Variants in KLHL4 observed in about 807,000 individuals in gnomAD.
KLHL4 encodes kelch like family member 4.
A neutral mutation model predicts 45.8 loss-of-function variants in KLHL4; 17 were observed. The ratio of observed to expected loss-of-function variants is 0.37; its 90% CI spans 0.25 to 0.56. KLHL4 has a LOEUF of 0.56. KLHL4 is among the 20% of genes least tolerant of loss of function. The probability of loss-of-function intolerance (pLI) is 0.79; values close to 1 mark genes in which losing one functional copy is unlikely to be tolerated. For missense variants in KLHL4, 544 were observed against 544.9 expected (o/e 1.00, Z 0.02); for synonymous variants, 224 against 189.9 (o/e 1.18, Z -1.47).
intron 1 of KLHL4, among the ~76,000 whole-genome samples, chrX:87,551,035 C>A (rs774281727): frequency 9.0e-6 from 1 of 111,062 alleles, no homozygotes; most frequent in South Asian, 3.8e-4. Context: ...AAATAAAATG[C>A]ATCCAAATCA....
chrX:87,612,625 A>G (rs1483323497), intron 1 of KLHL4, among the ~76,000 whole-genome samples: 1 of 111,988 alleles, frequency 8.9e-6, no homozygotes, highest in East Asian at 2.8e-4. Flanking sequence ...CGTGATTTAC[A>G]ACAGCATATT....
chrX:87,614,194 T>G (rs953943499), intron 2 of KLHL4, 150 bp downstream of exon 2: 12 of 552,007 alleles, frequency 2.2e-5, no homozygotes, highest in Non-Finnish European at 3.1e-5. Flanking sequence ...TTTCTCTGTG[T>G]ATTATTTAGA....
In KLHL4 at chrX:87,517,873, T is replaced by G; in HGVS notation, c.-21T>G. ...CGTTTCCTTTCTGTGAGAGAAGGCTTTTGTCTTTCCTCCTGCTACGATGTC... is the reference window on the plus strand; with the variant it reads ...CGTTTCCTTTCTGTGAGAGAAGGCTGTTGTCTTTCCTCCTGCTACGATGTC... On this transcript the variant is annotated 5_prime_UTR_variant, in exon 1 of 11. Coordinates refer to ENST00000373119, the MANE Select transcript of KLHL4 (RefSeq NM_019117.5). The G allele has an allele frequency of 8.5e-7, 1 of 1,180,342 alleles. No homozygotes were observed. The highest frequency in any genetic ancestry group is 1.9e-5 in the South Asian group (1 of 52,627).
At chrX:87,533,606 A>G (rs1180055599) in intron 1 of KLHL4, among the ~76,000 whole-genome samples, 3 of 107,606 alleles carry the variant, frequency 2.8e-5, no homozygotes, top group Admixed American at 1.0e-4. Flanking sequence ...CTAATGCTAA[A>G]TGACCAGTTA....
chrX:87,573,761 TG>T (rs1189171995), intron 1 of KLHL4, among the ~76,000 whole-genome samples: 6 of 111,859 alleles, frequency 5.4e-5, no homozygotes, highest in African/African-American at 1.9e-4. Context: ...CCTGATGATT[TG>T]AATACATACT....
At chrX:87,548,203 G>A (rs769761982) in intron 1 of KLHL4, among the ~76,000 whole-genome samples, 192 of 111,737 alleles carry the variant, frequency 1.7e-3, no homozygotes, top group African/African-American at 6.0e-3. Context: ...AGAGTGGCAT[G>A]GCATATTTAA....
Position 87,548,797 on chromosome X carries a change from T to C in KLHL4, c.422+30482T>C, listed in dbSNP as rs777713247. 1.2e-4 allele frequency among the ~76,000 whole-genome samples: 12 copies of C among 96,956 alleles called. No individual in the cohort carries two copies. In the East Asian group the frequency reaches 4.0e-3, roughly 32 times the overall value. The allele number at this position is 96,956 out of a possible 115,157, so 84.2% of individuals were successfully genotyped here. A position where few individuals can be genotyped will look rare whatever the true frequency, so the allele number is the denominator to read the frequency against. Reference sequence around the variant, plus strand: ...TCATAAAAAAACCAAGAATCTAAATTATATCACCAGAGAAAATAATCTTCA... The same window carrying C: ...TCATAAAAAAACCAAGAATCTAAATCATATCACCAGAGAAAATAATCTTCA... On this transcript the variant is annotated intron_variant, in intron 1 of 10. Coordinates refer to ENST00000373119, the MANE Select transcript of KLHL4 (RefSeq NM_019117.5).
intron 1 of KLHL4, among the ~76,000 whole-genome samples, chrX:87,533,731 CT>C (rs372334730): frequency 5.4e-5 from 6 of 110,931 alleles, no homozygotes; most frequent in African/African-American, 2.0e-4. Flanking sequence ...AAAAATTCAT[CT>C]CCTTAAAACA....
At chrX:87,662,554 G>GA (rs1179291707) in intron 9 of KLHL4, among the ~76,000 whole-genome samples, 11 of 111,377 alleles carry the variant, frequency 9.9e-5, no homozygotes, top group Admixed American at 5.8e-4. Context: ...TATAGTTATA[G>GA]AAAAAAATCA....
chrX:87,525,678 A>G (rs1410734432), intron 1 of KLHL4, among the ~76,000 whole-genome samples: 3 of 111,815 alleles, frequency 2.7e-5, no homozygotes, highest in Non-Finnish European at 3.8e-5. Context: ...AACATTAACC[A>G]TTACATAAAG....
intron 1 of KLHL4, among the ~76,000 whole-genome samples, chrX:87,574,070 T>A (rs1237914376): frequency 7.2e-5 from 8 of 111,849 alleles, no homozygotes; most frequent in African/African-American, 1.6e-4. Context: ...CTAAAAAAAA[T>A]TATCACCTTG....
chrX:87,632,548 C>T (rs1923131141), intron 7 of KLHL4, 114 bp downstream of exon 7: 1 of 456,704 alleles, frequency 2.2e-6, no homozygotes, highest in African/African-American at 2.5e-5. Context: ...AAAATGTCTC[C>T]AAAATGATGA....
intron 1 of KLHL4, among the ~76,000 whole-genome samples, chrX:87,604,305 T>C (rs1436146862): frequency 1.8e-5 from 2 of 111,299 alleles, no homozygotes; most frequent in Non-Finnish European, 3.8e-5. Flanking sequence ...GGTATTCATA[T>C]GGTAGTACTA....
rs920488780 is a variant in KLHL4, at chrX:87,610,583, A to T, written c.423-3294A>T. On this transcript the variant is annotated intron_variant, in intron 1 of 10. Transcript: ENST00000373119. Reference sequence around the variant, plus strand: ...TTTTCTGAACATTTCTGCATTTAGAATTATCAAAATATAATTATTTAAATT... The same window carrying T: ...TTTTCTGAACATTTCTGCATTTAGATTTATCAAAATATAATTATTTAAATT... Among the ~76,000 whole-genome samples the T allele has an allele frequency of 7.1e-5, 8 of 111,921 alleles. No homozygotes were observed. The East Asian group carries it at 8.4e-4, about 12-fold the overall frequency.
At position 87,540,048 on chromosome X, in the gene KLHL4, C is replaced by T. The variant is rs759243255; in HGVS notation, c.422+21733C>T. Among the ~76,000 whole-genome samples the T allele has an allele frequency of 1.7e-4, 19 of 110,834 alleles. No homozygotes were observed. In the South Asian group the frequency reaches 4.5e-3, roughly 26 times the overall value. The stretch of plus-strand genomic sequence containing the variant: ...CAGTTGTAGCACAATGGTACATATT[C>T]GCATGTCTAAAAATAAAAAGGACAG... On this transcript the variant is annotated intron_variant, in intron 1 of 10. Transcript: ENST00000373119.
chrX:87,618,646 G>A lies in KLHL4; in HGVS notation c.924+518G>A, dbSNP rs2294965. ...ATCCCGAGTAGCTGGGACTACAGGC[G>A]CCCGCCACCATGCCCTGCTTTTTTT... On this transcript the variant is annotated intron_variant, in intron 4 of 10. Coordinates refer to ENST00000373119, the MANE Select transcript of KLHL4 (RefSeq NM_019117.5). Among the ~76,000 whole-genome samples, 1,940 of 110,586 alleles carry A rather than the reference G, an allele frequency of 0.018. 106 individuals are homozygous for A. The East Asian group carries it at 0.18, about 11-fold the overall frequency.
Position 87,614,036 on chromosome X carries a change from A to G in KLHL4, c.582A>G (p.Pro194=). ...VLLIAGHLRI[P]AHRLVLSAVS... ...TGATTGCAGGACACCTCCGCATCCC[A>G]GCCCATAGGTAAGTATTTTTATGTA... Residue 194 remains proline, a synonymous_variant, in exon 2 of 11, where the codon CCA becomes CCG. Transcript: ENST00000373119. The G allele has an allele frequency of 8.4e-7, 1 of 1,195,871 alleles. No individual in the cohort carries two copies. Among genetic ancestry groups the G allele is most frequent in the Non-Finnish European group, 1.1e-6 (1 of 887,273 alleles).
chrX:87,621,579 C>T (rs1433407840), intron 4 of KLHL4, among the ~76,000 whole-genome samples: 8 of 108,833 alleles, frequency 7.4e-5, no homozygotes, highest in Non-Finnish European at 1.3e-4. Context: ...TAAAAGACAT[C>T]CTCACTCTTT....
At chrX:87,634,439 A>C (rs1041459780) in intron 8 of KLHL4, among the ~76,000 whole-genome samples, 1 of 111,427 alleles carries the variant, frequency 9.0e-6, no homozygotes, top group Non-Finnish European at 1.9e-5. Context: ...ATACTAAAAC[A>C]TGATGATGTT....
Sources: allele counts gnomAD v4.1 joint callset (sites outside exome capture counted in the v4.1 genomes callset), GRCh38; gene constraint gnomAD v4.1.1; transcripts MANE v1.5; gene names NCBI Gene and HGNC (gene_info 2026-07-23, HGNC 2026-07-21).